The following FBLN7 variants were observed in gnomAD, a reference collection of about 807,000 sequenced individuals.
FBLN7 encodes fibulin 7, also known as fibulin-7.
A neutral mutation model predicts 44.0 loss-of-function variants in FBLN7; 31 were observed. The ratio of observed to expected loss-of-function variants is 0.70; its 90% CI spans 0.53 to 0.95. The LOEUF (loss-of-function observed/expected upper bound fraction) is 0.95. Among genes scored for constraint, FBLN7 ranks in the 40% least tolerant of loss-of-function variants. The pLI is 0.00. For missense variants in FBLN7, 573 were observed against 618.5 expected (o/e 0.93, Z 0.78); for synonymous variants, 262 against 253.4 (o/e 1.03, Z -0.32).
chr2:112,197,145 T>C, the FBLN7 span, among the ~76,000 whole-genome samples: 1 of 151,850 alleles, frequency 6.6e-6, no homozygotes, highest in African/African-American at 2.4e-5. Flanking sequence ...CTGGTACCTA[T>C]GAATGTGATG....
intron 6 of FBLN7, among the ~76,000 whole-genome samples, chr2:112,183,375 G>A (rs1042899921): frequency 6.6e-6 from 1 of 152,190 alleles, no homozygotes; most frequent in Admixed American, 6.5e-5. Flanking sequence ...TCTTAGTGAG[G>A]TCGGGCGCTA....
the FBLN7 span, among the ~76,000 whole-genome samples, chr2:112,198,162 T>C: frequency 6.6e-6 from 1 of 152,212 alleles, no homozygotes. Context: ...ACAATATTCC[T>C]GCAGCAGCTG....
At chr2:112,231,931 C>G in the FBLN7 span, 1 of 1,569,456 alleles carries the variant, frequency 6.4e-7, no homozygotes, top group Non-Finnish European at 8.7e-7. Flanking sequence ...TATGGTAAAA[C>G]TTACAAGGAT....
chr2:112,154,729 A>G (rs1681329484), intron 1 of FBLN7, among the ~76,000 whole-genome samples: 1 of 152,040 alleles, frequency 6.6e-6, no homozygotes, highest in Non-Finnish European at 1.5e-5. Context: ...ATGTGCATGG[A>G]AGGAAATGGC....
At chr2:112,169,354 G>A (rs552775592) in intron 3 of FBLN7, among the ~76,000 whole-genome samples, 18 of 152,280 alleles carry the variant, frequency 1.2e-4, no homozygotes, top group Non-Finnish European at 2.4e-4. Context: ...CTCCAGAGTG[G>A]AAAGCAGCCA....
the FBLN7 span, among the ~76,000 whole-genome samples, chr2:112,224,045 A>G: frequency 6.6e-6 from 1 of 152,156 alleles, no homozygotes; most frequent in African/African-American, 2.4e-5. Context: ...AGGCTGAGGC[A>G]GGAGAATCGC....
chr2:112,233,798 G>A, the FBLN7 span, among the ~76,000 whole-genome samples: 5 of 152,190 alleles, frequency 3.3e-5, no homozygotes, highest in African/African-American at 7.2e-5. Context: ...GAACCCAGGA[G>A]GCGGAGCTTG....
chr2:112,150,565 A>C (rs1446309890), intron 1 of FBLN7, among the ~76,000 whole-genome samples: 1 of 152,126 alleles, frequency 6.6e-6, no homozygotes, highest in East Asian at 1.9e-4. Flanking sequence ...ATGTCCTGAG[A>C]GGCTAGCACA....
chr2:112,155,512 A>AGAGGTTG (rs1681367021), intron 1 of FBLN7, among the ~76,000 whole-genome samples: 2 of 152,174 alleles, frequency 1.3e-5, no homozygotes, highest in Non-Finnish European at 2.9e-5. Flanking sequence ...CTCACCCCAG[A>AGAGGTTG]GAGGTTGGAG....
At chr2:112,189,064 C>T (rs1683396279), downstream of FBLN7, 1 of 152,220 alleles carries the variant, frequency 6.6e-6, no homozygotes. Flanking sequence ...ACAGCCCACA[C>T]ATCACACACA....
intron 3 of FBLN7, among the ~76,000 whole-genome samples, 171 bp from the exon 4 acceptor site, chr2:112,175,543 C>T (rs1161428653): frequency 6.6e-6 from 1 of 152,198 alleles, no homozygotes; most frequent in Non-Finnish European, 1.5e-5. Flanking sequence ...GCCCCATCGG[C>T]CCCCTGGCAG....
chr2:112,184,435 C>A (rs1683147522), intron 6 of FBLN7, among the ~76,000 whole-genome samples: 1 of 152,040 alleles, frequency 6.6e-6, no homozygotes, highest in Admixed American at 6.5e-5. Context: ...ACCCACACTC[C>A]CTCCCTCCCA....
the FBLN7 span, among the ~76,000 whole-genome samples, chr2:112,236,091 C>T: frequency 6.6e-6 from 1 of 151,982 alleles, no homozygotes; most frequent in Non-Finnish European, 1.5e-5. Flanking sequence ...TGGCGAAACC[C>T]TGTCTCTACT....
the FBLN7 span, chr2:112,234,175 A>C: frequency 3.7e-6 from 6 of 1,610,402 alleles, no homozygotes; most frequent in Non-Finnish European, 5.1e-6. Context: ...CTTGCGTTCC[A>C]CTGTATGTTG....
At chr2:112,217,882 C>G in the FBLN7 span, among the ~76,000 whole-genome samples, 2 of 152,060 alleles carry the variant, frequency 1.3e-5, no homozygotes, top group South Asian at 2.1e-4. Flanking sequence ...GGTTTTGTTT[C>G]TTTGTTTGGG....
the FBLN7 span, among the ~76,000 whole-genome samples, chr2:112,196,981 T>C: frequency 6.6e-6 from 1 of 152,032 alleles, no homozygotes; most frequent in East Asian, 1.9e-4. Context: ...CTAAGACTTA[T>C]TCACTATCAC....
In FBLN7 at chr2:112,138,616, G is replaced by A; in HGVS notation, c.-40G>A. The A allele has an allele frequency of 6.2e-7, 1 of 1,611,836 alleles. No homozygotes were observed. Among genetic ancestry groups the A allele is most frequent in the Non-Finnish European group, 8.5e-7 (1 of 1,178,740 alleles). The stretch of plus-strand genomic sequence containing the variant: ...GGACAAACTCGGCAGCGGAGGCAAA[G>A]TTATTTCCCCTCCCAGGCAGCGGGA... On this transcript the variant is annotated 5_prime_UTR_variant, in exon 1 of 8. Transcript: ENST00000331203.
chr2:112,215,476 T>C, the FBLN7 span: 3 of 152,186 alleles, frequency 2.0e-5, no homozygotes, highest in African/African-American at 7.2e-5. Context: ...TTTAGCAGGA[T>C]TAGATAACAA....
chr2:112,242,152 G>A, the FBLN7 span, among the ~76,000 whole-genome samples: 2 of 152,182 alleles, frequency 1.3e-5, no homozygotes, highest in African/African-American at 4.8e-5. Context: ...AAAAGCATGT[G>A]ACAAAAATCT....
Sources: gnomAD v4.1 joint callset for allele counts (sites outside exome capture counted in the v4.1 genomes callset) on GRCh38, gnomAD v4.1.1 for gene constraint, MANE v1.5 for transcripts, NCBI Gene and HGNC (gene_info 2026-07-23, HGNC 2026-07-21) for gene names.